Variants in PLCB1 observed in about 807,000 individuals in gnomAD.
PLCB1 encodes the protein phospholipase C beta 1.
A neutral mutation model predicts 161.8 loss-of-function variants in PLCB1; 46 were observed. The ratio of observed to expected loss-of-function variants is 0.28; its 90% CI spans 0.22 to 0.36. The LOEUF (loss-of-function observed/expected upper bound fraction) is 0.36, where lower values mean the gene tolerates loss of function less well. Among genes scored for constraint, PLCB1 ranks in the 10% least tolerant of loss-of-function variants. The probability of loss-of-function intolerance (pLI) is 1.00; values close to 1 mark genes in which losing one functional copy is unlikely to be tolerated. For synonymous variants in PLCB1, 517 were observed against 503.7 expected (o/e 1.03, Z -0.35); for missense variants, 1,016 against 1,472.5 (o/e 0.69, Z 5.07).
chr20:8,874,489 A>G (rs954676730), intron 31 of PLCB1, among the ~76,000 whole-genome samples: 1 of 152,026 alleles, frequency 6.6e-6, no homozygotes, highest in African/African-American at 2.4e-5. Context: ...TGCTTATTTT[A>G]TTGACAGGTC....
At position 8,716,248 on chromosome 20, in the gene PLCB1, T is replaced by C; in HGVS notation, c.1251-16T>C. The stretch of plus-strand genomic sequence containing the variant: ...AGCCTCCCTACTTTCCTTCTTCTGT[T>C]CTTGTTCTCCCTTAGCCCAAAGCAG... On this transcript the variant is annotated splice_polypyrimidine_tract_variant and intron_variant, in intron 12 of 31. Transcript: ENST00000338037. The C allele has an allele frequency of 1.9e-6, 3 of 1,607,372 alleles. No homozygotes were observed. The highest frequency in any genetic ancestry group is 2.6e-6 in the Non-Finnish European group (3 of 1,173,876).
At chr20:8,421,471 C>T (rs1268365106) in intron 3 of PLCB1, among the ~76,000 whole-genome samples, 2 of 151,928 alleles carry the variant, frequency 1.3e-5, no homozygotes, top group East Asian at 1.9e-4. Context: ...GAAGGAGCAC[C>T]CAAGACCATC....
rs1211022232 is a variant in PLCB1, at chr20:8,355,895, G to A, written c.178-15487G>A. On this transcript the variant is annotated intron_variant, in intron 2 of 31. Transcript: ENST00000338037. ...TCGGGAATGCTTATAAGGGATTAAA[G>A]TAATATTAAAGAAATCACTAGAGTC... Among the ~76,000 whole-genome samples, 4 of 152,126 alleles carry A rather than the reference G, an allele frequency of 2.6e-5. No individual in the cohort carries two copies. The East Asian group carries it at 7.7e-4, about 29-fold the overall frequency.
chr20:8,310,598 T>A (rs1984352132), intron 2 of PLCB1, among the ~76,000 whole-genome samples: 1 of 152,088 alleles, frequency 6.6e-6, no homozygotes, highest in African/African-American at 2.4e-5. Flanking sequence ...TATCTTTTGT[T>A]TGTTTTGTTT....
chr20:8,516,570 T>C (rs2122868070), intron 3 of PLCB1, among the ~76,000 whole-genome samples: 1 of 151,270 alleles, frequency 6.6e-6, no homozygotes, highest in South Asian at 2.1e-4. Context: ...TTTCATAACA[T>C]GCTAAATAGC....
chr20:8,610,888 T>A (rs1477600804), intron 3 of PLCB1, among the ~76,000 whole-genome samples: 2 of 151,996 alleles, frequency 1.3e-5, no homozygotes, highest in African/African-American at 4.8e-5. Context: ...TTGCATATAG[T>A]GTGAGGTAAG....
chr20:8,775,793 C>T (rs8124975), intron 27 of PLCB1, among the ~76,000 whole-genome samples: 1,843 of 152,268 alleles, frequency 0.012, 43 homozygotes, highest in African/African-American at 0.041. Flanking sequence ...ACAGATCTCT[C>T]GTAGGGCTGG....
intron 2 of PLCB1, among the ~76,000 whole-genome samples, chr20:8,259,883 C>A (rs564185875): frequency 6.6e-6 from 1 of 152,212 alleles, no homozygotes; most frequent in South Asian, 2.1e-4. Context: ...ACAATCATTA[C>A]ATTGATTTTC....
intron 2 of PLCB1, among the ~76,000 whole-genome samples, chr20:8,245,143 G>A (rs903176980): frequency 1.3e-5 from 2 of 151,848 alleles, no homozygotes; most frequent in Non-Finnish European, 2.9e-5. Flanking sequence ...AGAGCCTTAT[G>A]CATGCTTGTG....
Position 8,736,426 on chromosome 20 carries a change from T to C in PLCB1, c.2044-602T>C, listed in dbSNP as rs528899471. Among the ~76,000 whole-genome samples, 15 of 152,366 alleles carry C rather than the reference T, an allele frequency of 9.8e-5. No homozygotes were observed. The South Asian group carries it at 3.1e-3, about 32-fold the overall frequency. On this transcript the variant is annotated intron_variant, in intron 19 of 31. Transcript: ENST00000338037. The stretch of plus-strand genomic sequence containing the variant: ...CTTGATGGTTTAAAGTGAATACTTG[T>C]TCATTTATTCCTCCTACAATACTGT...
chr20:8,851,703 CT>C (rs1435947208), intron 31 of PLCB1, among the ~76,000 whole-genome samples: 2 of 84,080 alleles, frequency 2.4e-5, no homozygotes, highest in Non-Finnish European at 4.8e-5. Context: ...ATCTCCATTT[CT>C]TTTTTTGGTT....
chr20:8,809,433 A>G (rs139582391), intron 31 of PLCB1, among the ~76,000 whole-genome samples: 10 of 152,244 alleles, frequency 6.6e-5, no homozygotes, highest in Non-Finnish European at 1.5e-4. Context: ...ACAGTCTGCT[A>G]CTGTACACCT....
chr20:8,262,415 A>G (rs1029411325), intron 2 of PLCB1, among the ~76,000 whole-genome samples: 6 of 152,062 alleles, frequency 3.9e-5, no homozygotes, highest in Non-Finnish European at 7.4e-5. Flanking sequence ...AACACAAGGA[A>G]ATACCCAAAT....
intron 3 of PLCB1, among the ~76,000 whole-genome samples, chr20:8,395,661 G>A (rs966001387): frequency 6.6e-5 from 10 of 151,988 alleles, no homozygotes; most frequent in Admixed American, 2.0e-4. Flanking sequence ...AATTGTGTAA[G>A]TAATAGCGAA....
intron 3 of PLCB1, among the ~76,000 whole-genome samples, chr20:8,529,267 G>A (rs888664626): frequency 1.3e-5 from 2 of 151,936 alleles, no homozygotes; most frequent in African/African-American, 4.8e-5. Context: ...ACCCCTCTGT[G>A]TTCTTTACGG....
At chr20:8,638,539 C>CAT (rs1988840936) in intron 4 of PLCB1, among the ~76,000 whole-genome samples, 1 of 152,030 alleles carries the variant, frequency 6.6e-6, no homozygotes. Flanking sequence ...ATTACACACC[C>CAT]ATATATATAA....
At chr20:8,513,847 T>C (rs1369101632) in intron 3 of PLCB1, among the ~76,000 whole-genome samples, 1 of 151,526 alleles carries the variant, frequency 6.6e-6, no homozygotes, top group Non-Finnish European at 1.5e-5. Flanking sequence ...TCTGTCTCTA[T>C]TAAAAAAAAA....
At chr20:8,170,677 T>G (rs1343626879) in intron 2 of PLCB1, among the ~76,000 whole-genome samples, 1 of 152,140 alleles carries the variant, frequency 6.6e-6, no homozygotes, top group Non-Finnish European at 1.5e-5. Context: ...ACCTTTAATC[T>G]CTGACTTTAT....
chr20:8,494,163 C>T (rs1009274922), intron 3 of PLCB1, among the ~76,000 whole-genome samples: 19 of 152,148 alleles, frequency 1.2e-4, no homozygotes, highest in African/African-American at 3.1e-4. Context: ...TTTCCACCTT[C>T]GAAGATTCTG....
Sources: allele counts gnomAD v4.1 joint callset (sites outside exome capture counted in the v4.1 genomes callset), GRCh38; gene constraint gnomAD v4.1.1; transcripts MANE v1.5; gene names NCBI Gene and HGNC (gene_info 2026-07-23, HGNC 2026-07-21).